The following UBE2U variants were observed in gnomAD, a reference collection of about 807,000 sequenced individuals.
UBE2U encodes the protein ubiquitin conjugating enzyme E2 U, also known as ubiquitin-conjugating enzyme E2 U.
UBE2U carries 39 observed loss-of-function variants against 41.2 expected under a neutral mutation model. That is an observed-to-expected ratio of 0.95 (90% CI 0.73 to 1.24). The LOEUF (loss-of-function observed/expected upper bound fraction) is 1.24, where lower values mean the gene tolerates loss of function less well. UBE2U is among the 50% of genes most tolerant of loss of function. UBE2U has a pLI of 0.00. For missense variants in UBE2U, 336 were observed against 363.1 expected (o/e 0.93, Z 0.61); for synonymous variants, 107 against 117.8 (o/e 0.91, Z 0.60).
intron 8 of UBE2U, among the ~76,000 whole-genome samples, chr1:64,254,031 C>T (rs558888131): frequency 1.2e-4 from 18 of 152,096 alleles, no homozygotes; most frequent in South Asian, 6.2e-4. Flanking sequence ...CTCACATGTA[C>T]GGATACACAT....
chr1:64,243,495 G>A (rs1210450186), intron 8 of UBE2U, among the ~76,000 whole-genome samples: 2 of 152,128 alleles, frequency 1.3e-5, no homozygotes, highest in African/African-American at 4.8e-5. Flanking sequence ...ATGCACATGA[G>A]TAATTGGTCT....
At chr1:64,241,019 C>T (rs1644826154) in intron 7 of UBE2U, among the ~76,000 whole-genome samples, 1 of 152,180 alleles carries the variant, frequency 6.6e-6, no homozygotes, top group Non-Finnish European at 1.5e-5. Context: ...ATCTTAAAAA[C>T]AGATAAGTGA....
At chr1:64,209,237 G>A (rs906946664) in intron 3 of UBE2U, among the ~76,000 whole-genome samples, 3 of 152,080 alleles carry the variant, frequency 2.0e-5, no homozygotes, top group African/African-American at 7.2e-5. Flanking sequence ...TTATCCCCTA[G>A]TCCTCATCCC....
chr1:64,265,137 G>C (rs1645237343), intron 9 of UBE2U, among the ~76,000 whole-genome samples: 1 of 152,072 alleles, frequency 6.6e-6, no homozygotes, highest in Non-Finnish European at 1.5e-5. Context: ...AATGGCCGTA[G>C]CTCTCTTGCT....
intron 7 of UBE2U, among the ~76,000 whole-genome samples, chr1:64,239,160 GAA>G (rs1644773053): frequency 1.4e-5 from 1 of 70,896 alleles, no homozygotes; most frequent in African/African-American, 5.6e-5. Context: ...GAAGAAGAAA[GAA>G]GAAGAAGAAG....
At chr1:64,265,338 A>G (rs1352430596) in intron 9 of UBE2U, among the ~76,000 whole-genome samples, 1 of 152,204 alleles carries the variant, frequency 6.6e-6, no homozygotes, top group Non-Finnish European at 1.5e-5. Context: ...TCTTGTAATC[A>G]AAAGCATGTG....
intron 9 of UBE2U, among the ~76,000 whole-genome samples, chr1:64,263,165 T>G (rs888521300): frequency 1.3e-5 from 2 of 152,132 alleles, no homozygotes; most frequent in Admixed American, 1.3e-4. Context: ...ATAGACTCCT[T>G]TCTGTCTACT....
At chr1:64,212,605 C>T (rs536436151) in intron 4 of UBE2U, among the ~76,000 whole-genome samples, 3 of 152,170 alleles carry the variant, frequency 2.0e-5, no homozygotes, top group African/African-American at 4.8e-5. Flanking sequence ...TAATACAGGT[C>T]GAGTATTTCT....
At chr1:64,238,979 T>C (rs1035763751) in intron 7 of UBE2U, among the ~76,000 whole-genome samples, 11 of 150,540 alleles carry the variant, frequency 7.3e-5, no homozygotes, top group African/African-American at 2.2e-4. Flanking sequence ...GAACTGGAGG[T>C]GGCAGTGAGC....
At chr1:64,249,479 TAGAG>T (rs1227002139) in intron 8 of UBE2U, among the ~76,000 whole-genome samples, 1 of 149,366 alleles carries the variant, frequency 6.7e-6, no homozygotes, top group Non-Finnish European at 1.5e-5. Flanking sequence ...CCATAAGTGA[TAGAG>T]AGGATAGAAT....
chr1:64,212,467 T>C (rs1651719440), intron 4 of UBE2U, among the ~76,000 whole-genome samples: 1 of 152,182 alleles, frequency 6.6e-6, no homozygotes, highest in Non-Finnish European at 1.5e-5. Flanking sequence ...TTTCCACTTC[T>C]CAATGTCTCA....
chr1:64,266,003 GA>G (rs1289668298), intron 9 of UBE2U, among the ~76,000 whole-genome samples: 1 of 152,126 alleles, frequency 6.6e-6, no homozygotes, highest in African/African-American at 2.4e-5. Context: ...ATAAACATAT[GA>G]GGCAAACAAA....
In UBE2U at chr1:64,226,494, G is replaced by A. The variant is rs143405765; in HGVS notation, c.506+5587G>A. 2.0e-3 allele frequency among the ~76,000 whole-genome samples: 304 copies of A among 152,206 alleles called. 1 individual carries two copies. Among genetic ancestry groups the A allele is most frequent in the African/African-American group, 6.9e-3 (288 of 41,506 alleles). ...ACTCATCAATCTGTACACTTAAAAC[G>A]TGTGCATTTTATTGAGTGTAAATTA... is the stretch of plus-strand genomic sequence containing the variant. On this transcript the variant is annotated intron_variant, in intron 6 of 9. Coordinates refer to ENST00000371077, the MANE Select transcript of UBE2U (RefSeq NM_001366232.2).
intron 7 of UBE2U, among the ~76,000 whole-genome samples, chr1:64,236,510 G>C (rs953387510): frequency 2.6e-5 from 4 of 152,194 alleles, no homozygotes; most frequent in African/African-American, 9.6e-5. Context: ...AGAATGGCAA[G>C]TAAAAGGTTT....
intron 4 of UBE2U, 79 bp downstream of exon 4, chr1:64,210,918 A>G: frequency 1.1e-5 from 10 of 939,964 alleles, no homozygotes; most frequent in South Asian, 2.6e-5. Context: ...ATTAAAATAT[A>G]CAATGCATAT....
chr1:64,232,903 T>G (rs574910399), intron 7 of UBE2U, among the ~76,000 whole-genome samples: 1 of 152,262 alleles, frequency 6.6e-6, no homozygotes, highest in South Asian at 2.1e-4. Flanking sequence ...CAATAATAGC[T>G]AACTGCAGCC....
intron 3 of UBE2U, among the ~76,000 whole-genome samples, chr1:64,207,517 G>A (rs145566887): frequency 1.3e-5 from 2 of 152,126 alleles, no homozygotes; most frequent in Admixed American, 1.3e-4. Context: ...ATCTTAAATG[G>A]TTCAACAATA....
chr1:64,226,343 G>A (rs1024673211), intron 6 of UBE2U, among the ~76,000 whole-genome samples: 1 of 152,144 alleles, frequency 6.6e-6, no homozygotes, highest in African/African-American at 2.4e-5. Context: ...TAATCCGATC[G>A]GTGATTGCCC....
At position 64,212,836 on chromosome 1, in the gene UBE2U, A is replaced by T. The variant is rs537861072; in HGVS notation, c.340-1979A>T. On this transcript the variant is annotated intron_variant, in intron 4 of 9. Coordinates refer to ENST00000371077, the MANE Select transcript of UBE2U (RefSeq NM_001366232.2). Reference sequence around the variant, plus strand: ...GATGCTGAACCTCTAGTTAGTTAACATTATGATTGTTCTTACTATTAAAGA... The same window carrying T: ...GATGCTGAACCTCTAGTTAGTTAACTTTATGATTGTTCTTACTATTAAAGA... Among the ~76,000 whole-genome samples, 6 of 152,318 alleles carry T rather than the reference A, an allele frequency of 3.9e-5. No individual in the cohort carries two copies. In the East Asian group the frequency reaches 9.6e-4, roughly 24 times the overall value.
Sources: gnomAD v4.1 joint callset for allele counts (sites outside exome capture counted in the v4.1 genomes callset) on GRCh38, gnomAD v4.1.1 for gene constraint, MANE v1.5 for transcripts, NCBI Gene and HGNC (gene_info 2026-07-23, HGNC 2026-07-21) for gene names.